The following GALK2 variants were observed in gnomAD, a reference collection of about 807,000 sequenced individuals.
The protein encoded by GALK2 is N-acetylgalactosamine kinase.
Under a neutral mutation model 52.4 loss-of-function variants are expected in GALK2, and 36 were observed. The observed-to-expected ratio is 0.69, with a 90% CI of 0.53 to 0.91. The LOEUF (loss-of-function observed/expected upper bound fraction) is 0.91. GALK2 is among the 40% of genes least tolerant of loss of function. GALK2 has a pLI of 0.00. For synonymous variants in GALK2, 176 were observed against 199.1 expected, an observed-to-expected ratio of 0.88 and a Z score of 0.98; for missense variants, 579 against 559.1, an observed-to-expected ratio of 1.04 and a Z score of -0.36.
intron 7 of GALK2, among the ~76,000 whole-genome samples, chr15:49,290,356 C>G (rs2033814156): frequency 6.6e-6 from 1 of 152,190 alleles, no homozygotes; most frequent in African/African-American, 2.4e-5. Context: ...AAATACACAC[C>G]AAATTGGCTG....
At chr15:49,239,124 A>G (rs1364978837) in intron 4 of GALK2, 97 bp from the exon 5 acceptor site, 11 of 995,746 alleles carry the variant, frequency 1.1e-5, no homozygotes, top group African/African-American at 8.1e-5. Flanking sequence ...TTATAAGTCT[A>G]TTGATAGACT....
chr15:49,226,527 G>T (rs1249249882), intron 3 of GALK2: 1 of 151,882 alleles, frequency 6.6e-6, no homozygotes, highest in Admixed American at 6.6e-5. Flanking sequence ...CACCTTATCT[G>T]CTATCCCTCC....
intron 1 of GALK2, among the ~76,000 whole-genome samples, chr15:49,179,739 T>C (rs2085814266): frequency 6.6e-6 from 1 of 151,216 alleles, no homozygotes; most frequent in Non-Finnish European, 1.5e-5. Context: ...CTTTGGCCAA[T>C]TCCCCATTTA....
At chr15:49,281,509 C>G (rs577211951) in intron 5 of GALK2, among the ~76,000 whole-genome samples, 1 of 152,152 alleles carries the variant, frequency 6.6e-6, no homozygotes, top group African/African-American at 2.4e-5. Flanking sequence ...CTGATTCTTA[C>G]ATTTAATGGA....
At chr15:49,302,029 T>C (rs1228749309) in intron 8 of GALK2, among the ~76,000 whole-genome samples, 2 of 152,224 alleles carry the variant, frequency 1.3e-5, no homozygotes, top group Middle Eastern at 3.2e-3. Context: ...GGCACAGGGT[T>C]ATCTGCATTT....
At chr15:49,175,943 T>C (rs1466420139) in intron 1 of GALK2, among the ~76,000 whole-genome samples, 3 of 152,196 alleles carry the variant, frequency 2.0e-5, no homozygotes, top group Non-Finnish European at 4.4e-5. Flanking sequence ...CCCTTAGAGT[T>C]GTGATCCCTT....
At chr15:49,290,064 T>C (rs889856096) in intron 7 of GALK2, among the ~76,000 whole-genome samples, 3 of 152,170 alleles carry the variant, frequency 2.0e-5, no homozygotes, top group African/African-American at 7.2e-5. Flanking sequence ...GTGAGAAAGT[T>C]GTGACAAAAT....
At chr15:49,300,260 C>T (rs1438686079) in intron 8 of GALK2, among the ~76,000 whole-genome samples, 3 of 151,732 alleles carry the variant, frequency 2.0e-5, no homozygotes, top group African/African-American at 7.3e-5. Context: ...AATAGCAACC[C>T]CTGCTCTTTT....
chr15:49,316,848 G>A (rs1414624669), intron 8 of GALK2, among the ~76,000 whole-genome samples: 6 of 152,060 alleles, frequency 3.9e-5, no homozygotes, highest in Non-Finnish European at 7.4e-5. Flanking sequence ...GGGAGGAGCC[G>A]GGGAATAAAT....
At chr15:49,196,480 G>A (rs1416566676) in intron 1 of GALK2, among the ~76,000 whole-genome samples, 1 of 152,024 alleles carries the variant, frequency 6.6e-6, no homozygotes, top group East Asian at 1.9e-4. Flanking sequence ...AGTGTTGTTT[G>A]TATTATTTCT....
At chr15:49,365,747 C>T (rs2045052215) in intron 3 of GALK2, 6 of 866,698 alleles carry the variant, frequency 6.9e-6, no homozygotes, top group African/African-American at 1.6e-5. Flanking sequence ...AAAATCCAAG[C>T]CCACCTGTCT....
Position 49,264,988 on chromosome 15 carries a change from G to C in GALK2, c.505-16999G>C, listed in dbSNP as rs1171435551. Reference sequence around the variant, plus strand: ...TGAGGTGTCAGTCTGCCCCTACTGGGGGGTGCCTCCCAGTTAGGCTGCTTG... The same window carrying C: ...TGAGGTGTCAGTCTGCCCCTACTGGCGGGTGCCTCCCAGTTAGGCTGCTTG... On this transcript the variant is annotated intron_variant, in intron 5 of 9. Transcript: ENST00000560031. Among the ~76,000 whole-genome samples, 7 of 152,320 alleles carry C rather than the reference G, an allele frequency of 4.6e-5. 1 individual carries two copies. The South Asian group carries it at 1.5e-3, about 32-fold the overall frequency.
At chr15:49,307,575 G>A (rs749183979) in intron 8 of GALK2, among the ~76,000 whole-genome samples, 5 of 152,180 alleles carry the variant, frequency 3.3e-5, no homozygotes, top group Admixed American at 6.5e-5. Flanking sequence ...GTCTTGTAAT[G>A]TGTATGACCC....
chr15:49,342,993 C>T (rs2040961958), intron 3 of GALK2, among the ~76,000 whole-genome samples: 1 of 152,048 alleles, frequency 6.6e-6, no homozygotes. Flanking sequence ...TGAGTATATG[C>T]CTTGGTGATG....
chr15:49,307,717 T>G (rs370946517), intron 8 of GALK2, among the ~76,000 whole-genome samples: 1 of 152,322 alleles, frequency 6.6e-6, no homozygotes, highest in East Asian at 1.9e-4. Context: ...AGGCTCTTGC[T>G]ACTTTGGAAA....
chr15:49,186,235 A>AT (rs2086328323), intron 1 of GALK2, among the ~76,000 whole-genome samples: 1 of 152,160 alleles, frequency 6.6e-6, no homozygotes. Flanking sequence ...TTTCAGGCCA[A>AT]TAAATCTTAG....
chr15:49,196,113 A>G (rs74613392), intron 1 of GALK2, among the ~76,000 whole-genome samples: 2,598 of 152,060 alleles, frequency 0.017, 96 homozygotes, highest in African/African-American at 0.06. Context: ...GCAGGCTTTG[A>G]ATTTTTAGGT....
intron 2 of GALK2, among the ~76,000 whole-genome samples, chr15:49,207,654 C>T (rs765556558): frequency 2.6e-5 from 4 of 152,126 alleles, no homozygotes; most frequent in Non-Finnish European, 4.4e-5. Context: ...TGTTCATAGT[C>T]GCCTTGAATG....
chr15:49,334,388 G>A, downstream of GALK2: 1 of 236,860 alleles, frequency 4.2e-6, no homozygotes, highest in Non-Finnish European at 6.9e-6. Flanking sequence ...ACACGTGTTA[G>A]TAAAAGCCCT....
Sources: allele counts gnomAD v4.1 joint callset (sites outside exome capture counted in the v4.1 genomes callset), GRCh38; gene constraint gnomAD v4.1.1; transcripts MANE v1.5; gene names NCBI Gene and HGNC (gene_info 2026-07-23, HGNC 2026-07-21).